Variants in LOXHD1 observed in about 807,000 individuals in gnomAD.
LOXHD1 encodes lipoxygenase homology domain-containing protein 1.
In LOXHD1, 205 loss-of-function variants were observed where a neutral mutation model predicts 248.2. That is an observed-to-expected ratio of 0.83 (90% confidence interval 0.74 to 0.93). The LOEUF (loss-of-function observed/expected upper bound fraction) is 0.93. LOXHD1 is among the 40% of genes least tolerant of loss of function. The pLI is 0.00. For synonymous variants in LOXHD1, 1,113 were observed against 1,162.8 expected (o/e 0.96, Z 0.87); for missense variants, 2,930 against 2,971.6 (o/e 0.99, Z 0.33).
chr18:46,485,332 G>A (rs2032966183), intron 38 of LOXHD1, among the ~76,000 whole-genome samples, 181 bp from the exon 39 acceptor site: 1 of 151,936 alleles, frequency 6.6e-6, no homozygotes, highest in African/African-American at 2.4e-5. Context: ...CCCGGATTCT[G>A]GGGCTACAGC....
At chr18:46,495,752 A>T (rs2033822624) in intron 37 of LOXHD1, among the ~76,000 whole-genome samples, 1 of 152,228 alleles carries the variant, frequency 6.6e-6, no homozygotes, top group Non-Finnish European at 1.5e-5. Flanking sequence ...ATGGAGTGGA[A>T]ATTGAACAAT....
chr18:46,520,945 A>T (rs946247759), intron 33 of LOXHD1, among the ~76,000 whole-genome samples, 152 bp downstream of exon 33: 3 of 152,200 alleles, frequency 2.0e-5, no homozygotes, highest in African/African-American at 7.2e-5. Context: ...GGCTCCTAGC[A>T]AAGTACATCT....
intron 5 of LOXHD1, among the ~76,000 whole-genome samples, chr18:46,612,724 A>T (rs527502730): frequency 6.6e-5 from 10 of 152,118 alleles, no homozygotes; most frequent in African/African-American, 2.4e-4. Context: ...TCTTCTAAAA[A>T]TTTTTTATTT....
intron 21 of LOXHD1, chr18:46,555,290 G>A: frequency 2.3e-5 from 10 of 433,492 alleles, no homozygotes; most frequent in South Asian, 1.7e-4. Flanking sequence ...GGAAACAAAA[G>A]CCCATAAAGA....
intron 6 of LOXHD1, among the ~76,000 whole-genome samples, chr18:46,610,388 C>T (rs1468072302): frequency 5.7e-5 from 6 of 104,794 alleles, no homozygotes; most frequent in African/African-American, 1.1e-4. Context: ...CATCACACAC[C>T]GGGGCCTGTC....
intron 12 of LOXHD1, among the ~76,000 whole-genome samples, chr18:46,589,492 A>G (rs2038125713): frequency 2.0e-5 from 3 of 152,218 alleles, no homozygotes. Context: ...AGGTGAGTGG[A>G]CACTGAAAGA....
rs542295090 is a variant in LOXHD1 at position 46,629,971 on chromosome 18, C to T, written c.511+9645G>A. On this transcript the variant is annotated intron_variant, in intron 4 of 40. Transcript: ENST00000642948. ...TTTCCTGTAATCATCAGCCTCTCTTCTCTTTGAAGCATACAACAAAACTGG... is the reference window on the plus strand; with the variant it reads ...TTTCCTGTAATCATCAGCCTCTCTTTTCTTTGAAGCATACAACAAAACTGG... 4.6e-5 allele frequency among the ~76,000 whole-genome samples: 7 copies of T among 152,210 alleles called. No individual in the cohort carries two copies. In the South Asian group the frequency reaches 1.0e-3, roughly 23 times the overall value.
At chr18:46,520,868 G>A (rs2035541955) in intron 33 of LOXHD1, 1 of 550,236 alleles carries the variant, frequency 1.8e-6, no homozygotes, top group Non-Finnish European at 3.2e-6. Context: ...GGAAGACCAA[G>A]GCCCAGAGAA....
At chr18:46,550,579 C>CAAAGAAA (rs2037055856) in intron 21 of LOXHD1, among the ~76,000 whole-genome samples, 1 of 45,468 alleles carries the variant, frequency 2.2e-5, no homozygotes, top group Non-Finnish European at 4.2e-5. Flanking sequence ...GACTCCGTCT[C>CAAAGAAA]AAAAAAAAAA....
At chr18:46,618,324 TC>T (rs1383305372) in intron 4 of LOXHD1, 34 bp from the exon 5 acceptor site, 1 of 1,455,978 alleles carries the variant, frequency 6.9e-7, no homozygotes, top group African/African-American at 1.4e-5. Flanking sequence ...CCTTAGCTCA[TC>T]AGGATCCTGA....
At chr18:46,499,840 G>T (rs888844864) in intron 37 of LOXHD1, among the ~76,000 whole-genome samples, 1 of 152,176 alleles carries the variant, frequency 6.6e-6, no homozygotes, top group Admixed American at 6.5e-5. Context: ...CTAGAAATTT[G>T]CTAGGGAGAA....
intron 1 of LOXHD1, among the ~76,000 whole-genome samples, chr18:46,650,118 A>G (rs1042744281): frequency 2.0e-5 from 3 of 152,096 alleles, no homozygotes; most frequent in African/African-American, 7.2e-5. Context: ...CTCCGCCAAG[A>G]GCAGAAAACA....
At chr18:46,502,595 T>A (rs1568102197) in intron 37 of LOXHD1, among the ~76,000 whole-genome samples, 1 of 151,960 alleles carries the variant, frequency 6.6e-6, no homozygotes, top group East Asian at 1.9e-4. Context: ...GAGTCCAGAG[T>A]TGAGAGAAGC....
intron 37 of LOXHD1, among the ~76,000 whole-genome samples, chr18:46,492,453 A>C (rs1445296774): frequency 6.6e-6 from 1 of 152,216 alleles, no homozygotes; most frequent in Non-Finnish European, 1.5e-5. Context: ...GTGAAGGGGG[A>C]AGCCCCTAAT....
intron 20 of LOXHD1, among the ~76,000 whole-genome samples, chr18:46,558,395 T>C (rs2037425291): frequency 1.3e-5 from 2 of 152,222 alleles, no homozygotes; most frequent in Non-Finnish European, 2.9e-5. Flanking sequence ...CATAATGCTA[T>C]TATATAATAT....
chr18:46,524,663 C>A, intron 30 of LOXHD1, 45 bp downstream of exon 30: 2 of 1,551,366 alleles, frequency 1.3e-6, no homozygotes, highest in Non-Finnish European at 1.7e-6. Context: ...GGGACCTCCC[C>A]TAGGCATGAG....
chr18:46,594,938 C>A (rs563519356), intron 8 of LOXHD1, among the ~76,000 whole-genome samples: 1 of 152,288 alleles, frequency 6.6e-6, no homozygotes, highest in South Asian at 2.1e-4. Flanking sequence ...TCTATCTCTA[C>A]CCAGTTCTGA....
intron 34 of LOXHD1, among the ~76,000 whole-genome samples, chr18:46,510,414 G>C (rs925240540): frequency 2.0e-5 from 3 of 152,214 alleles, no homozygotes; most frequent in African/African-American, 7.2e-5. Context: ...AGGTAATGCT[G>C]CTTTTGTTGC....
At chr18:46,549,698 T>C (rs1253512480) in intron 21 of LOXHD1, among the ~76,000 whole-genome samples, 1 of 151,644 alleles carries the variant, frequency 6.6e-6, no homozygotes, top group Non-Finnish European at 1.5e-5. Context: ...GGGAAAAAAA[T>C]TTAATAACTT....
Sources: gnomAD v4.1 joint callset for allele counts (sites outside exome capture counted in the v4.1 genomes callset) on GRCh38, gnomAD v4.1.1 for gene constraint, MANE v1.5 for transcripts, NCBI Gene and HGNC (gene_info 2026-07-23, HGNC 2026-07-21) for gene names.